The following RAB33B variants were observed in gnomAD, a reference collection of about 807,000 sequenced individuals.
RAB33B encodes the protein RAB33B, member RAS oncogene family.
A neutral mutation model predicts 15.0 loss-of-function variants in RAB33B; 6 were observed. The observed-to-expected ratio is 0.40, with a 90% CI of 0.22 to 0.79. The LOEUF (loss-of-function observed/expected upper bound fraction) is 0.79. Among genes scored for constraint, RAB33B ranks in the 30% least tolerant of loss-of-function variants. The probability of loss-of-function intolerance (pLI) is 0.37; values close to 1 mark genes in which losing one functional copy is unlikely to be tolerated. For synonymous variants in RAB33B, 117 were observed against 108.3 expected, an observed-to-expected ratio of 1.08 and a Z score of -0.50; for missense variants, 257 against 296.4, an observed-to-expected ratio of 0.87 and a Z score of 0.98.
At chr4:139,445,117 C>T in the RAB33B span, among the ~76,000 whole-genome samples, 118,094 of 152,220 alleles carry the variant, frequency 0.78, 46,244 homozygotes, top group Admixed American at 0.85. Context: ...GTATCAGATG[C>T]GGTTTCACTG....
chr4:139,454,448 A>C lies in RAB33B; in HGVS notation c.249+4A>C, dbSNP rs368860024. The C allele has an allele frequency of 3.1e-6, 5 of 1,606,052 alleles. No homozygotes were observed. Among genetic ancestry groups the C allele is most frequent in the Non-Finnish European group, 4.2e-6 (5 of 1,179,756 alleles). ...GATTGATGGGGAGCGCATCAAGGTG[A>C]GCGGATGGGGAACTGTTGGGGAGGA... On this transcript the variant is annotated splice_donor_region_variant and intron_variant, in intron 1 of 1. Transcript: ENST00000305626.
intron 1 of RAB33B, among the ~76,000 whole-genome samples, chr4:139,460,059 T>C (rs957503745): frequency 6.6e-6 from 1 of 152,126 alleles, no homozygotes; most frequent in Non-Finnish European, 1.5e-5. Flanking sequence ...AAAGGGGTGA[T>C]AGAAGAGGTA....
At chr4:139,448,291 G>A (rs1199529286), upstream of RAB33B, among the ~76,000 whole-genome samples, 1 of 152,206 alleles carries the variant, frequency 6.6e-6, no homozygotes, top group Non-Finnish European at 1.5e-5. Context: ...TACAGAATGG[G>A]TAGTAGAAGG....
chr4:139,438,669 G>A, the RAB33B span, among the ~76,000 whole-genome samples: 2 of 152,112 alleles, frequency 1.3e-5, no homozygotes, highest in Non-Finnish European at 2.9e-5. Flanking sequence ...TCCTGGCAGG[G>A]AGTTTTCCCA....
chr4:139,457,366 A>G (rs1750089106), intron 1 of RAB33B, among the ~76,000 whole-genome samples: 1 of 152,210 alleles, frequency 6.6e-6, no homozygotes, highest in East Asian at 1.9e-4. Context: ...CCTCGTGTGT[A>G]TATCCCCTTC....
At chr4:139,444,141 T>C in the RAB33B span, among the ~76,000 whole-genome samples, 1 of 152,186 alleles carries the variant, frequency 6.6e-6, no homozygotes, top group South Asian at 2.1e-4. Flanking sequence ...AACACAGAGT[T>C]GGATCAGGCT....
chr4:139,470,110 G>C (rs989849458), intron 1 of RAB33B, among the ~76,000 whole-genome samples: 1 of 152,222 alleles, frequency 6.6e-6, no homozygotes, highest in Admixed American at 6.5e-5. Flanking sequence ...GGCAAAGCCA[G>C]CCAGGCCTGT....
At chr4:139,470,112 C>T (rs1750362311) in intron 1 of RAB33B, among the ~76,000 whole-genome samples, 1 of 152,250 alleles carries the variant, frequency 6.6e-6, no homozygotes, top group Admixed American at 6.5e-5. Context: ...CAAAGCCAGC[C>T]AGGCCTGTGT....
At chr4:139,439,955 T>C in the RAB33B span, among the ~76,000 whole-genome samples, 4 of 152,178 alleles carry the variant, frequency 2.6e-5, no homozygotes, top group Non-Finnish European at 5.9e-5. Flanking sequence ...CTTTTGTTTT[T>C]TGAGTCTCTT....
At chr4:139,471,661 ACTC>A (rs2111086503) in intron 1 of RAB33B, among the ~76,000 whole-genome samples, 1 of 151,164 alleles carries the variant, frequency 6.6e-6, no homozygotes, top group East Asian at 1.9e-4. Flanking sequence ...CTGGTCTTAA[ACTC>A]CTGGGTTCAA....
chr4:139,473,022 G>T lies in RAB33B; in HGVS notation c.586G>T (p.Ala196Ser), dbSNP rs774996373. ...DHVEAIFMTL[A>S]HKLKSHKPLM... ...TGTGGAAGCTATATTTATGACCTTGGCTCATAAGCTTAAGAGCCACAAACC... is the reference window on the plus strand; with the variant it reads ...TGTGGAAGCTATATTTATGACCTTGTCTCATAAGCTTAAGAGCCACAAACC... The change falls in exon 2 of 2, where the codon GCT (alanine) becomes TCT (serine). Residue 196 changes from alanine (A) to serine (S), a missense_variant. Physicochemically the swap from Ala to Ser is moderately conservative, Grantham distance 99. Coordinates refer to ENST00000305626, the MANE Select transcript of RAB33B (RefSeq NM_031296.3). 6.2e-7 allele frequency: 1 copy of T among 1,614,084 alleles called. No homozygotes were observed. Among genetic ancestry groups the T allele is most frequent in the East Asian group, 2.2e-5 (1 of 44,882 alleles).
chr4:139,456,846 T>C (rs1440857773), intron 1 of RAB33B, among the ~76,000 whole-genome samples: 2 of 152,204 alleles, frequency 1.3e-5, no homozygotes, highest in African/African-American at 4.8e-5. Context: ...GCCCTTTTTT[T>C]CGAAAACTGA....
At chr4:139,459,830 C>T (rs182540579) in intron 1 of RAB33B, among the ~76,000 whole-genome samples, 1 of 152,024 alleles carries the variant, frequency 6.6e-6, no homozygotes, top group Admixed American at 6.6e-5. Context: ...GACGGGGTTT[C>T]ACCATGTTGG....
At chr4:139,465,170 G>A (rs1750258569) in intron 1 of RAB33B, among the ~76,000 whole-genome samples, 1 of 152,168 alleles carries the variant, frequency 6.6e-6, no homozygotes, top group African/African-American at 2.4e-5. Context: ...TGTGTCTGTT[G>A]GCTGCATAAA....
At chr4:139,449,581 A>T (rs1579168286), upstream of RAB33B, 1 of 152,034 alleles carries the variant, frequency 6.6e-6, no homozygotes, top group African/African-American at 2.4e-5. Flanking sequence ...AAAAGACTAG[A>T]CTGGCTTAGC....
At chr4:139,445,575 T>C in the RAB33B span, among the ~76,000 whole-genome samples, 54 of 152,202 alleles carry the variant, frequency 3.5e-4, no homozygotes, top group Non-Finnish European at 1.5e-4. Context: ...GCCCCTCCTA[T>C]ACCAAGAAAG....
At chr4:139,463,049 G>T (rs975113264) in intron 1 of RAB33B, among the ~76,000 whole-genome samples, 1 of 152,130 alleles carries the variant, frequency 6.6e-6, no homozygotes, top group Non-Finnish European at 1.5e-5. Flanking sequence ...TCCTGTAGTC[G>T]CAGCTACTCA....
chr4:139,463,025 G>A (rs1454601051), intron 1 of RAB33B, among the ~76,000 whole-genome samples: 1 of 152,118 alleles, frequency 6.6e-6, no homozygotes, highest in Non-Finnish European at 1.5e-5. Context: ...AATTAACTGG[G>A]TGTGGTGACA....
upstream of RAB33B, chr4:139,448,855 A>C (rs1461950090): frequency 6.6e-6 from 1 of 152,286 alleles, no homozygotes; most frequent in Non-Finnish European, 1.5e-5. Context: ...TGAATGTGTA[A>C]GTGCACGAGT....
Sources: gnomAD v4.1 joint callset for allele counts (sites outside exome capture counted in the v4.1 genomes callset) on GRCh38, gnomAD v4.1.1 for gene constraint, MANE v1.5 for transcripts, NCBI Gene and HGNC (gene_info 2026-07-23, HGNC 2026-07-21) for gene names.